The following KDM2A variants were observed in gnomAD, a reference collection of about 807,000 sequenced individuals.
KDM2A encodes lysine-specific demethylase 2A.
A neutral mutation model predicts 137.3 loss-of-function variants in KDM2A; 3 were observed. That is an observed-to-expected ratio of 0.02 (90% CI 0.01 to 0.06). The LOEUF is 0.06. Ranked by LOEUF, KDM2A falls within the 10% of genes least tolerant of loss-of-function variation. KDM2A has a pLI of 1.00. For synonymous variants in KDM2A, 512 were observed against 541.5 expected, an observed-to-expected ratio of 0.95 and a Z score of 0.76; for missense variants, 738 against 1,510.6, an observed-to-expected ratio of 0.49 and a Z score of 8.48.
At chr11:67,253,634 CTG>C (rs1565428521) in intron 19 of KDM2A, 23 bp downstream of exon 19, 1 of 1,610,664 alleles carries the variant, frequency 6.2e-7, no homozygotes, top group South Asian at 1.1e-5. Context: ...CCTGACTTCT[CTG>C]TGCTTGTCTT....
At chr11:67,161,238 CAA>C (rs1856630634) in intron 2 of KDM2A, among the ~76,000 whole-genome samples, 2 of 152,232 alleles carry the variant, frequency 1.3e-5, no homozygotes, top group East Asian at 1.9e-4. Context: ...AAAAGAAAAA[CAA>C]GACTTTAGTG....
intron 3 of KDM2A, among the ~76,000 whole-genome samples, chr11:67,180,622 A>G (rs1417375896): frequency 6.6e-6 from 1 of 151,940 alleles, no homozygotes; most frequent in East Asian, 1.9e-4. Flanking sequence ...AGGATGTCAT[A>G]TATGTATTGT....
chr11:67,123,904 T>G (rs1855655833), intron 2 of KDM2A, among the ~76,000 whole-genome samples: 2 of 152,020 alleles, frequency 1.3e-5, no homozygotes, highest in African/African-American at 4.8e-5. Flanking sequence ...CTCGAACTCC[T>G]GACCTCAGAT....
At position 67,249,242 on chromosome 11, in the gene KDM2A, G is replaced by A. The variant is rs146455402; in HGVS notation, c.2056-844G>A. Reference sequence around the variant, plus strand: ...CATGTGTCTTCATTAGTGATGTTGAGTGTTTGCATCTCTGCTGTAGCAGAT... The same window carrying A: ...CATGTGTCTTCATTAGTGATGTTGAATGTTTGCATCTCTGCTGTAGCAGAT... On this transcript the variant is annotated intron_variant, in intron 16 of 20. Coordinates refer to ENST00000529006, the MANE Select transcript of KDM2A (RefSeq NM_012308.3). Among the ~76,000 whole-genome samples, 93 of 152,320 alleles carry A rather than the reference G, an allele frequency of 6.1e-4. No homozygotes were observed. In the East Asian group the frequency reaches 0.015, roughly 25 times the overall value.
intron 2 of KDM2A, among the ~76,000 whole-genome samples, chr11:67,134,915 T>C (rs1855938155): frequency 2.0e-5 from 3 of 152,174 alleles, no homozygotes; most frequent in Admixed American, 6.6e-5. Context: ...GTTGTTGAAT[T>C]TTCACAAAAC....
rs544237602 is a variant in KDM2A, at chr11:67,130,199, AAG to A, written c.42+8848_42+8849del. 5.0e-3 allele frequency among the ~76,000 whole-genome samples: 752 copies of A among 151,748 alleles called. 2 individuals carry two copies. The highest frequency in any genetic ancestry group is 8.7e-3 in the Non-Finnish European group (589 of 67,962). ...TATTTCTGACAAGTTTGCAAAACCC[AAG>A]AGAGAGCAGTTTTCTGGGTTGAACT... On this transcript the variant is annotated intron_variant, in intron 2 of 20. Transcript: ENST00000529006.
chr11:67,173,899 A>G (rs1227201852), intron 2 of KDM2A, among the ~76,000 whole-genome samples: 2 of 150,938 alleles, frequency 1.3e-5, no homozygotes, highest in Non-Finnish European at 3.0e-5. Flanking sequence ...TTTTTATAAG[A>G]TAGGGTCTTG....
At chr11:67,143,898 C>T (rs1856182143) in intron 2 of KDM2A, among the ~76,000 whole-genome samples, 1 of 151,910 alleles carries the variant, frequency 6.6e-6, no homozygotes, top group Admixed American at 6.6e-5. Flanking sequence ...TCCCAAAGTG[C>T]TGGGTTTACA....
chr11:67,207,972 A>G (rs1857862357), intron 6 of KDM2A, among the ~76,000 whole-genome samples: 1 of 152,170 alleles, frequency 6.6e-6, no homozygotes, highest in South Asian at 2.1e-4. Flanking sequence ...TTGAGGCTGC[A>G]GTGACCGGTG....
At chr11:67,163,915 A>G (rs1477146848) in intron 2 of KDM2A, among the ~76,000 whole-genome samples, 1 of 151,990 alleles carries the variant, frequency 6.6e-6, no homozygotes, top group Non-Finnish European at 1.5e-5. Flanking sequence ...GATACTTTAC[A>G]TCTTTCATTT....
At chr11:67,241,766 C>G (rs1223773635) in intron 12 of KDM2A, among the ~76,000 whole-genome samples, 1 of 152,156 alleles carries the variant, frequency 6.6e-6, no homozygotes, top group Non-Finnish European at 1.5e-5. Flanking sequence ...TCAGGAGTTT[C>G]TGTCTAAAAC....
At chr11:67,161,543 A>G (rs1473123075) in intron 2 of KDM2A, among the ~76,000 whole-genome samples, 3 of 152,178 alleles carry the variant, frequency 2.0e-5, no homozygotes, top group African/African-American at 7.2e-5. Context: ...ATATGTAACT[A>G]ACATGTTTCA....
At chr11:67,252,261 AT>A (rs1859451661) in intron 17 of KDM2A, 1 of 192,248 alleles carries the variant, frequency 5.2e-6, no homozygotes, top group Admixed American at 5.4e-5. Context: ...GCTGCGAGTG[AT>A]TGACAAGGGA....
chr11:67,198,710 A>G (rs887258793), intron 5 of KDM2A, among the ~76,000 whole-genome samples: 6 of 139,048 alleles, frequency 4.3e-5, no homozygotes, highest in Non-Finnish European at 9.4e-5. Flanking sequence ...ACTCTGTCTC[A>G]AAAAAAAAAA....
chr11:67,222,353 G>A (rs1858389394), intron 10 of KDM2A, among the ~76,000 whole-genome samples: 1 of 32,196 alleles, frequency 3.1e-5, no homozygotes, highest in Non-Finnish European at 6.5e-5. Flanking sequence ...AACCCTGAGT[G>A]GACACAGCAC....
chr11:67,142,686 A>C (rs1193003336), intron 2 of KDM2A, among the ~76,000 whole-genome samples: 1 of 151,738 alleles, frequency 6.6e-6, no homozygotes, highest in African/African-American at 2.4e-5. Flanking sequence ...ACTGGGGGAC[A>C]AGCGTGAGAC....
At chr11:67,214,614 A>G (rs1858105223) in intron 6 of KDM2A, among the ~76,000 whole-genome samples, 1 of 152,104 alleles carries the variant, frequency 6.6e-6, no homozygotes, top group Non-Finnish European at 1.5e-5. Context: ...GTTGGGGATT[A>G]CAGGTGTGAG....
intron 2 of KDM2A, among the ~76,000 whole-genome samples, chr11:67,179,139 T>G (rs557796096): frequency 1.2e-3 from 189 of 152,344 alleles, no homozygotes; most frequent in African/African-American, 4.4e-3. Context: ...TTTGCATTTT[T>G]CTAATGACTA....
chr11:67,150,213 C>T (rs1299202244), intron 2 of KDM2A, among the ~76,000 whole-genome samples: 3 of 152,072 alleles, frequency 2.0e-5, no homozygotes, highest in Admixed American at 2.0e-4. Context: ...TTTTTCTAGC[C>T]GATAAATAGA....
Sources: allele counts gnomAD v4.1 joint callset (sites outside exome capture counted in the v4.1 genomes callset), GRCh38; gene constraint gnomAD v4.1.1; transcripts MANE v1.5; gene names NCBI Gene and HGNC (gene_info 2026-07-23, HGNC 2026-07-21).